FSTL5: variants seen among roughly 807,000 people sequenced by gnomAD.
The protein encoded by FSTL5 is follistatin like 5, also known as follistatin-related protein 5.
FSTL5 carries 62 observed loss-of-function variants against 89.1 expected under a neutral mutation model. That is an observed-to-expected ratio of 0.70 (90% CI 0.57 to 0.86). The LOEUF is 0.86. Ranked by LOEUF, FSTL5 falls within the 40% of genes least tolerant of loss-of-function variation. FSTL5 has a pLI of 0.00. For synonymous variants in FSTL5, 383 were observed against 346.2 expected (o/e 1.11, Z -1.18); for missense variants, 1,057 against 1,001.6 (o/e 1.06, Z -0.75).
intron 4 of FSTL5, among the ~76,000 whole-genome samples, chr4:161,863,759 A>G (rs577769344): frequency 2.0e-5 from 3 of 152,292 alleles, no homozygotes; most frequent in South Asian, 4.1e-4. Context: ...CTTGACGGCT[A>G]CAGACCTGCC....
intron 6 of FSTL5, among the ~76,000 whole-genome samples, chr4:161,707,051 C>T (rs1407667915): frequency 6.6e-6 from 1 of 151,518 alleles, no homozygotes; most frequent in African/African-American, 2.4e-5. Context: ...ATTTATTTTA[C>T]TGTGTACCTG....
intron 8 of FSTL5, among the ~76,000 whole-genome samples, chr4:161,560,940 A>G (rs778062472): frequency 1.3e-5 from 2 of 151,964 alleles, no homozygotes; most frequent in Non-Finnish European, 1.5e-5. Flanking sequence ...ATTTATTATT[A>G]TTATTATCAA....
chr4:161,417,606 G>A (rs1002633182), intron 15 of FSTL5, among the ~76,000 whole-genome samples: 3 of 152,170 alleles, frequency 2.0e-5, no homozygotes, highest in Admixed American at 6.5e-5. Context: ...ATTTGGGCCC[G>A]GGGGCCAGGT....
chr4:161,593,688 A>C (rs1037027945), intron 7 of FSTL5, among the ~76,000 whole-genome samples: 16 of 152,112 alleles, frequency 1.1e-4, no homozygotes, highest in African/African-American at 3.9e-4. Context: ...AGAAATCCTC[A>C]ATATCATATT....
At chr4:162,032,097 A>T (rs2111193144) in intron 3 of FSTL5, among the ~76,000 whole-genome samples, 1 of 152,298 alleles carries the variant, frequency 6.6e-6, no homozygotes, top group Admixed American at 6.5e-5. Context: ...GGAAAAACAT[A>T]ATTTCTACTA....
intron 15 of FSTL5, among the ~76,000 whole-genome samples, chr4:161,433,221 T>G (rs1022489566): frequency 6.6e-6 from 1 of 152,072 alleles, no homozygotes; most frequent in South Asian, 2.1e-4. Context: ...TTAAAAGTTA[T>G]TCAACATGAC....
chr4:161,430,848 T>C (rs973128818), intron 15 of FSTL5, among the ~76,000 whole-genome samples: 2 of 152,086 alleles, frequency 1.3e-5, no homozygotes, highest in African/African-American at 4.8e-5. Context: ...GGAGCTCCAG[T>C]ACATTGGCAG....
chr4:161,699,885 T>C lies in FSTL5; in HGVS notation c.728-43391A>G, dbSNP rs377234644. Among the ~76,000 whole-genome samples the C allele has an allele frequency of 3.3e-5, 5 of 152,240 alleles. No homozygotes were observed. In the East Asian group the frequency reaches 7.7e-4, roughly 24 times the overall value. ...CTCTATTACTCTTTTTTATGTTCCA[T>C]GTTGTTTTTAAAATGTCAAAATCTA... On this transcript the variant is annotated intron_variant, in intron 6 of 15. Coordinates refer to ENST00000306100, the MANE Select transcript of FSTL5 (RefSeq NM_020116.5).
chr4:161,663,023 A>C (rs113635754), intron 6 of FSTL5, among the ~76,000 whole-genome samples: 218 of 152,266 alleles, frequency 1.4e-3, no homozygotes, highest in African/African-American at 5.0e-3. Flanking sequence ...AGATCTCGTG[A>C]GACTTACTCA....
intron 1 of FSTL5, among the ~76,000 whole-genome samples, chr4:162,153,692 T>TGTATATTATATATGTATATA: frequency 1.2e-5 from 1 of 83,458 alleles, no homozygotes; most frequent in African/African-American, 4.1e-5. Flanking sequence ...TATATAATAA[T>TGTATATTATATATGTATATA]ATATATGTAT....
rs1250053426 is a variant in FSTL5 at position 161,542,585 on chromosome 4, A to C, written c.1124T>G (p.Leu375Trp). Residue 375 changes from leucine (L) to tryptophan (W), a missense_variant, in exon 9 of 16, where the codon TTG becomes TGG. Physicochemically the swap from Leu to Trp is moderately conservative, Grantham distance 61. Coordinates refer to ENST00000306100, the MANE Select transcript of FSTL5 (RefSeq NM_020116.5). Reference protein sequence around the residue: ...EGIPKPQLGWLKNGIDITPKL... With the variant: ...EGIPKPQLGWWKNGIDITPKL... ...TGGTGTAATATCAATTCCATTCTTCAACCAGCCAAGCTGAGGCTTTGGTAT... is the reference window on the plus strand; with the variant it reads ...TGGTGTAATATCAATTCCATTCTTCCACCAGCCAAGCTGAGGCTTTGGTAT... The C allele has an allele frequency of 1.9e-6, 3 of 1,565,660 alleles. No individual in the cohort carries two copies. Among genetic ancestry groups the C allele is most frequent in the Non-Finnish European group, 2.6e-6 (3 of 1,152,806 alleles).
chr4:162,077,968 T>C (rs1199581964), intron 2 of FSTL5, among the ~76,000 whole-genome samples: 2 of 151,876 alleles, frequency 1.3e-5, no homozygotes, highest in Non-Finnish European at 2.9e-5. Flanking sequence ...TAGACTGTAA[T>C]ATCTTTATAA....
chr4:161,999,842 C>T (rs1162833912), intron 3 of FSTL5, among the ~76,000 whole-genome samples: 1 of 152,142 alleles, frequency 6.6e-6, no homozygotes, highest in Non-Finnish European at 1.5e-5. Flanking sequence ...ACATGAAAAC[C>T]ATCAAAGTCA....
intron 6 of FSTL5, among the ~76,000 whole-genome samples, chr4:161,686,330 ATATATATATATATATATTTTTTTTTTTT>A (rs1560789612): frequency 5.9e-4 from 5 of 8,484 alleles, no homozygotes; most frequent in South Asian, 0.018. Context: ...ATATATATAT[ATATATATATATATATATTTTTTTTTTTT>A]TTTTTTTTTT....
chr4:161,779,815 A>ATG (rs1741587943), intron 4 of FSTL5, among the ~76,000 whole-genome samples: 2 of 76,042 alleles, frequency 2.6e-5, no homozygotes, highest in Non-Finnish European at 4.4e-5. Flanking sequence ...ATATATGTAT[A>ATG]TATATATATA....
intron 6 of FSTL5, among the ~76,000 whole-genome samples, chr4:161,698,881 C>T (rs758469143): frequency 6.6e-6 from 1 of 152,004 alleles, no homozygotes; most frequent in Non-Finnish European, 1.5e-5. Context: ...ACCCGGGAGG[C>T]GGAGGTTGCA....
chr4:161,530,486 A>G (rs921097746), intron 10 of FSTL5, among the ~76,000 whole-genome samples: 1 of 103,864 alleles, frequency 9.6e-6, no homozygotes, highest in African/African-American at 3.1e-5. Flanking sequence ...GTTTTATTTT[A>G]TAATAAAGTA....
At chr4:161,964,244 T>C (rs1735261473) in intron 3 of FSTL5, among the ~76,000 whole-genome samples, 1 of 151,910 alleles carries the variant, frequency 6.6e-6, no homozygotes, top group African/African-American at 2.4e-5. Context: ...AGGTGGAAAA[T>C]TTCCACTCAG....
intron 7 of FSTL5, among the ~76,000 whole-genome samples, chr4:161,597,639 T>C (rs1287368297): frequency 1.4e-5 from 2 of 141,962 alleles, no homozygotes; most frequent in African/African-American, 2.6e-5. Context: ...AAAAAAAATA[T>C]GAAACAAAAA....
Sources: allele counts gnomAD v4.1 joint callset (sites outside exome capture counted in the v4.1 genomes callset), GRCh38; gene constraint gnomAD v4.1.1; transcripts MANE v1.5; gene names NCBI Gene and HGNC (gene_info 2026-07-23, HGNC 2026-07-21).